PCDHGA2: variants seen among roughly 807,000 people sequenced by gnomAD.
PCDHGA2 encodes the protein protocadherin gamma-A2.
A neutral mutation model predicts 59.2 loss-of-function variants in PCDHGA2; 40 were observed. The ratio of observed to expected loss-of-function variants is 0.68; its 90% CI spans 0.52 to 0.88. The LOEUF is 0.88. Ranked by LOEUF, PCDHGA2 falls within the 40% of genes least tolerant of loss-of-function variation. The pLI is 0.00. For missense variants in PCDHGA2, 1,226 were observed against 1,204.0 expected, an observed-to-expected ratio of 1.02 and a Z score of -0.27; for synonymous variants, 560 against 526.0, an observed-to-expected ratio of 1.06 and a Z score of -0.89.
In PCDHGA2 at chr5:141,340,191, C is replaced by A. The variant is rs1756915100; in HGVS notation, c.1220C>A (p.Thr407Asn). 6.2e-7 allele frequency: 1 copy of A among 1,614,024 alleles called. No individual in the cohort carries two copies. Among genetic ancestry groups the A allele is most frequent in the Non-Finnish European group, 8.5e-7 (1 of 1,179,980 alleles). Residue 407 changes from threonine (T) to asparagine (N), a missense_variant, in exon 1 of 4, where the codon ACC (threonine) becomes AAC (asparagine). Physicochemically the swap from Thr to Asn is moderately conservative, Grantham distance 65. Coordinates refer to ENST00000394576, the MANE Select transcript of PCDHGA2 (RefSeq NM_018915.4). The stretch of plus-strand genomic sequence containing the variant: ...GACAATTACTACCGACTGGTTACAA[C>A]CAGAGCCCTTGACAGGGAACAGTTT... ...SVDNYYRLVT[T>N]RALDREQFSF...
At chr5:141,409,389 C>T (rs1445649056) in intron 1 of PCDHGA2, 2 of 1,613,888 alleles carry the variant, frequency 1.2e-6, no homozygotes, top group Non-Finnish European at 1.7e-6. Flanking sequence ...AAGATTTATT[C>T]TTCTTCCAAT....
intron 1 of PCDHGA2, chr5:141,375,536 G>A: frequency 6.2e-7 from 1 of 1,613,972 alleles, no homozygotes; most frequent in African/African-American, 1.3e-5. Flanking sequence ...GGACCAGAAC[G>A]CCCAAGTCTC....
At chr5:141,488,565 C>T (rs1308485284) in intron 1 of PCDHGA2, among the ~76,000 whole-genome samples, 1 of 152,174 alleles carries the variant, frequency 6.6e-6, no homozygotes, top group Non-Finnish European at 1.5e-5. Flanking sequence ...GAGATTTCCG[C>T]AAAGCATTGC....
intron 1 of PCDHGA2, chr5:141,414,424 G>C (rs762669763): frequency 1.2e-6 from 2 of 1,613,846 alleles, no homozygotes; most frequent in Non-Finnish European, 1.7e-6. Context: ...CCTTGACAGG[G>C]AACAGGTATC....
intron 1 of PCDHGA2, among the ~76,000 whole-genome samples, chr5:141,449,588 C>CAA (rs768743917): frequency 2.4e-4 from 14 of 57,430 alleles, no homozygotes; most frequent in Non-Finnish European, 3.7e-4. Flanking sequence ...GACTCTGTCT[C>CAA]AAAAAAAAAA....
intron 1 of PCDHGA2, chr5:141,393,454 C>A: frequency 1.2e-6 from 2 of 1,614,046 alleles, no homozygotes; most frequent in South Asian, 1.1e-5. Context: ...GTCCTCACGG[C>A]CTCGGATGGC....
At chr5:141,357,688 C>G in intron 1 of PCDHGA2, 1 of 1,562,846 alleles carries the variant, frequency 6.4e-7, no homozygotes, top group Non-Finnish European at 8.7e-7. Flanking sequence ...AAATGTCTCT[C>G]ATTTTATATG....
At chr5:141,497,500 T>G (rs1468175808) in intron 2 of PCDHGA2, among the ~76,000 whole-genome samples, 2 of 151,562 alleles carry the variant, frequency 1.3e-5, no homozygotes, top group Non-Finnish European at 2.9e-5. Context: ...CTCTCTCCTC[T>G]CTCTGCTTCC....
chr5:141,411,544 AC>A (rs2095497010), intron 1 of PCDHGA2: 1 of 152,298 alleles, frequency 6.6e-6, no homozygotes. Context: ...TGATCTTGCC[AC>A]TGCACTCCAG....
At chr5:141,413,501 G>A (rs772110374) in intron 1 of PCDHGA2, 1 of 1,614,040 alleles carries the variant, frequency 6.2e-7, no homozygotes, top group Non-Finnish European at 8.5e-7. Context: ...TGCGTGGTGA[G>A]TTTTAATATC....
At chr5:141,395,297 T>C in intron 1 of PCDHGA2, 1 of 1,523,916 alleles carries the variant, frequency 6.6e-7, no homozygotes, top group Non-Finnish European at 8.8e-7. Context: ...GCATAAATTA[T>C]GTTTTGAAAA....
rs775037681 is a variant in PCDHGA2 at position 141,388,812 on chromosome 5, G to T, written c.2424+47417G>T. On this transcript the variant is annotated intron_variant, in intron 1 of 3. Transcript: ENST00000394576. Reference sequence around the variant, plus strand: ...TTTAAATACATTAGATTTTGAAGAAGTCAAAGAATATTCCATAGTTTTGGA... The same window carrying T: ...TTTAAATACATTAGATTTTGAAGAATTCAAAGAATATTCCATAGTTTTGGA... 2.1e-5 allele frequency: 34 copies of T among 1,613,816 alleles called. No homozygotes were observed. Among genetic ancestry groups the T allele is most frequent in the Non-Finnish European group, 2.8e-5 (33 of 1,179,866 alleles).
intron 1 of PCDHGA2, chr5:141,388,986 A>G (rs756279125): frequency 2.5e-6 from 4 of 1,613,952 alleles, no homozygotes; most frequent in Non-Finnish European, 3.4e-6. Flanking sequence ...TGCTTTGCTC[A>G]AAGTCCGTGA....
At chr5:141,345,812 G>A in intron 1 of PCDHGA2, 1 of 1,613,864 alleles carries the variant, frequency 6.2e-7, no homozygotes, top group Non-Finnish European at 8.5e-7. Context: ...AGGTGGTGGC[G>A]GTGGACAGAG....
At chr5:141,375,879 G>C in intron 1 of PCDHGA2, 1 of 1,613,144 alleles carries the variant, frequency 6.2e-7, no homozygotes, top group Non-Finnish European at 8.5e-7. Flanking sequence ...AGAGACTCGG[G>C]CCAGAACGCC....
In PCDHGA2 at chr5:141,357,579, A is replaced by T. The variant is rs980931291; in HGVS notation, c.2424+16184A>T. 5 of 1,614,088 alleles carry T rather than the reference A, an allele frequency of 3.1e-6. No homozygotes were observed. In the African/African-American group the frequency reaches 5.3e-5, roughly 17 times the overall value. ...GTGAGAAAAGCGAGCCTCTTCTGAT[A>T]ACTCAGGATTTACTTGAAACAAAAG... On this transcript the variant is annotated intron_variant, in intron 1 of 3. Transcript: ENST00000394576.
At chr5:141,492,163 C>G (rs921256341) in intron 1 of PCDHGA2, among the ~76,000 whole-genome samples, 3 of 152,232 alleles carry the variant, frequency 2.0e-5, no homozygotes, top group Admixed American at 6.5e-5. Flanking sequence ...CCTCCCTATC[C>G]CCGCATCACC....
chr5:141,417,751 C>T, intron 1 of PCDHGA2: 1 of 1,427,514 alleles, frequency 7.0e-7, no homozygotes, highest in Non-Finnish European at 9.2e-7. Flanking sequence ...AGATTGCCAG[C>T]TCCGAGACCC....
At chr5:141,372,279 G>C in intron 1 of PCDHGA2, 1 of 1,613,176 alleles carries the variant, frequency 6.2e-7, no homozygotes, top group Non-Finnish European at 8.5e-7. Flanking sequence ...GGTGCGCACG[G>C]CGCGTACCTT....
Sources: gnomAD v4.1 joint callset for allele counts (sites outside exome capture counted in the v4.1 genomes callset) on GRCh38, gnomAD v4.1.1 for gene constraint, MANE v1.5 for transcripts, NCBI Gene and HGNC (gene_info 2026-07-23, HGNC 2026-07-21) for gene names.